The following INPP5A variants were observed in gnomAD, a reference collection of about 807,000 sequenced individuals.
INPP5A encodes inositol polyphosphate-5-phosphatase A.
Under a neutral mutation model 65.2 loss-of-function variants are expected in INPP5A, and 14 were observed. That is an observed-to-expected ratio of 0.21 (90% CI 0.14 to 0.34). INPP5A has a LOEUF of 0.34. INPP5A is among the 10% of genes least tolerant of loss of function. The pLI is 1.00. For missense variants in INPP5A, 431 were observed against 545.6 expected, an observed-to-expected ratio of 0.79 and a Z score of 2.09; for synonymous variants, 207 against 208.3, an observed-to-expected ratio of 0.99 and a Z score of 0.05.
In INPP5A at chr10:132,705,989, A is replaced by G. The variant is rs1845532436; in HGVS notation, c.475-2324A>G. Among the ~76,000 whole-genome samples the G allele has an allele frequency of 6.6e-6, 1 of 152,276 alleles. No homozygotes were observed. Among genetic ancestry groups the G allele is most frequent in the African/African-American group, 2.4e-5 (1 of 41,474 alleles). ...AAGTATGTTTAAATTGCTCAAAGAG[A>G]TAAGTGAAAGATAGGGTTCATTAAA... On this transcript the variant is annotated intron_variant, in intron 6 of 15. Transcript: ENST00000368594. This position sits in a 1 kb window ranked among gnomAD's most constrained non-coding sequence, Gnocchi z 4.9.
intron 4 of INPP5A, among the ~76,000 whole-genome samples, chr10:132,686,937 T>G (rs1845140738): frequency 6.6e-6 from 1 of 152,176 alleles, no homozygotes; most frequent in Non-Finnish European, 1.5e-5. Flanking sequence ...AACACTGGCT[T>G]TTTAATTTTA....
intron 11 of INPP5A, among the ~76,000 whole-genome samples, chr10:132,755,512 G>A (rs1237836624): frequency 1.4e-5 from 2 of 147,892 alleles, no homozygotes; most frequent in African/African-American, 5.3e-5. Context: ...ATGAGAGCAG[G>A]TGTGAGCGAG....
rs1248030025 is a variant in INPP5A at position 132,616,975 on chromosome 10, C to T, written c.117+9019C>T. On this transcript the variant is annotated intron_variant, in intron 2 of 15. Coordinates refer to ENST00000368594, the MANE Select transcript of INPP5A (RefSeq NM_005539.5). This position sits in a 1 kb window ranked among gnomAD's most constrained non-coding sequence, Gnocchi z 4.9. ...GGCCGCCTGAGGTCCTTCGAAGCAGCCTGGGTCTGTCTGCTCCCTGGGGTC... is the reference window on the plus strand; with the variant it reads ...GGCCGCCTGAGGTCCTTCGAAGCAGTCTGGGTCTGTCTGCTCCCTGGGGTC... Among the ~76,000 whole-genome samples, 1 of 152,098 alleles carries T rather than the reference C, an allele frequency of 6.6e-6. No individual in the cohort carries two copies. Among genetic ancestry groups the T allele is most frequent in the Non-Finnish European group, 1.5e-5 (1 of 68,010 alleles).
chr10:132,708,911 C>G (rs1488487750), intron 7 of INPP5A, among the ~76,000 whole-genome samples: 2 of 152,228 alleles, frequency 1.3e-5, no homozygotes, highest in East Asian at 3.8e-4. Context: ...TTCCAGGTGG[C>G]TCCCCAACGT....
At chr10:132,560,822 TG>T (rs1423106625) in intron 1 of INPP5A, among the ~76,000 whole-genome samples, 1 of 152,138 alleles carries the variant, frequency 6.6e-6, no homozygotes, top group African/African-American at 2.4e-5. Context: ...TGCTGTAGTC[TG>T]GTATCAAACT....
chr10:132,731,395 C>T (rs913192), intron 9 of INPP5A, among the ~76,000 whole-genome samples: 5,373 of 152,128 alleles, frequency 0.035, 247 homozygotes, highest in African/African-American at 0.11. Flanking sequence ...TCAGACGCCC[C>T]TGGAAGTGAC....
At position 132,555,043 on chromosome 10, in the gene INPP5A, G is replaced by C. The variant is rs2071109030; in HGVS notation, c.75+16872G>C. On this transcript the variant is annotated intron_variant, in intron 1 of 15. Coordinates refer to ENST00000368594, the MANE Select transcript of INPP5A (RefSeq NM_005539.5). This position sits in a 1 kb window ranked among gnomAD's most constrained non-coding sequence, Gnocchi z 4.4. ...GGTGGCATGGTATTGTGTGTGGCAT[G>C]ATTGGTATGGGTGGCGTGGTTGGCA... Among the ~76,000 whole-genome samples the C allele has an allele frequency of 6.6e-6, 1 of 151,786 alleles. No homozygotes were observed. The highest frequency in any genetic ancestry group is 2.4e-5 in the African/African-American group (1 of 41,262).
chr10:132,612,257 G>A (rs1490853648), intron 2 of INPP5A, among the ~76,000 whole-genome samples: 1 of 151,734 alleles, frequency 6.6e-6, no homozygotes, highest in Non-Finnish European at 1.5e-5. Flanking sequence ...GAGGTGAGGT[G>A]GGCAGGGGAG....
chr10:132,779,710 G>T (rs1847125181), intron 13 of INPP5A, among the ~76,000 whole-genome samples: 1 of 152,266 alleles, frequency 6.6e-6, no homozygotes, highest in African/African-American at 2.4e-5. Context: ...CCAGTGGGCA[G>T]CGGGTGTGCA....
chr10:132,589,965 T>C (rs1393453460), intron 1 of INPP5A, among the ~76,000 whole-genome samples: 1 of 152,214 alleles, frequency 6.6e-6, no homozygotes, highest in African/African-American at 2.4e-5. Flanking sequence ...AGGGCACCGA[T>C]GTGCAATGCC....
chr10:132,723,170 G>A (rs1209407556), intron 8 of INPP5A, among the ~76,000 whole-genome samples: 2 of 152,278 alleles, frequency 1.3e-5, no homozygotes, highest in Non-Finnish European at 2.9e-5. Context: ...CGTCTCCAGG[G>A]CGTTGCAGGC....
chr10:132,637,507 T>C lies in INPP5A; in HGVS notation c.118-8361T>C, dbSNP rs2072372289. 3.3e-5 allele frequency among the ~76,000 whole-genome samples: 5 copies of C among 152,156 alleles called. No individual in the cohort carries two copies. Among genetic ancestry groups the C allele is most frequent in the Admixed American group, 3.3e-4 (5 of 15,278 alleles). On this transcript the variant is annotated intron_variant, in intron 2 of 15. Coordinates refer to ENST00000368594, the MANE Select transcript of INPP5A (RefSeq NM_005539.5). The surrounding 1 kb of genome is among the most constrained non-coding windows in gnomAD (Gnocchi z 4.1). ...GGGTCCCTGATCCTCCAAATGTTCCTCCTTCTCTGCCTGTCTCCCACGGTC... is the reference window on the plus strand; with the variant it reads ...GGGTCCCTGATCCTCCAAATGTTCCCCCTTCTCTGCCTGTCTCCCACGGTC...
In INPP5A at chr10:132,710,501, T is replaced by A. The variant is rs765776322; in HGVS notation, c.647+45T>A. 7 of 1,595,648 alleles carry A rather than the reference T, an allele frequency of 4.4e-6. No homozygotes were observed. The African/African-American group carries it at 9.5e-5, about 22-fold the overall frequency. On this transcript the variant is annotated intron_variant, in intron 8 of 15. Coordinates refer to ENST00000368594, the MANE Select transcript of INPP5A (RefSeq NM_005539.5). ...TAGGCGTGGGCCGGGCAAGTAGGTGTGCTGGGCAGGCAGGTGTGAGTGGAG... is the reference window on the plus strand; with the variant it reads ...TAGGCGTGGGCCGGGCAAGTAGGTGAGCTGGGCAGGCAGGTGTGAGTGGAG...
chr10:132,596,440 T>G (rs915960536), intron 1 of INPP5A, among the ~76,000 whole-genome samples: 1 of 149,842 alleles, frequency 6.7e-6, no homozygotes, highest in Admixed American at 6.6e-5. Flanking sequence ...TTTTGTTTTT[T>G]TTTTTTGAGA....
intron 12 of INPP5A, among the ~76,000 whole-genome samples, chr10:132,771,858 A>G (rs72636971): frequency 0.8 from 46,455 of 58,318 alleles, 19,930 homozygotes; most frequent in East Asian, 0.94. Flanking sequence ...CGGAGGCCAC[A>G]GCAGCCACCC....
At chr10:132,571,004 A>G (rs893226509) in intron 1 of INPP5A, among the ~76,000 whole-genome samples, 1 of 152,232 alleles carries the variant, frequency 6.6e-6, no homozygotes, top group Non-Finnish European at 1.5e-5. Flanking sequence ...CCTCCCCACC[A>G]CAGCCTACTC....
intron 1 of INPP5A, among the ~76,000 whole-genome samples, chr10:132,597,257 G>T (rs1225709433): frequency 6.6e-6 from 1 of 152,238 alleles, no homozygotes; most frequent in African/African-American, 2.4e-5. Context: ...AACCTTTTCT[G>T]TTCTTCTCAG....
intron 2 of INPP5A, among the ~76,000 whole-genome samples, chr10:132,611,555 G>A (rs1297705432): frequency 7.0e-5 from 10 of 142,508 alleles, no homozygotes; most frequent in Non-Finnish European, 1.4e-4. Context: ...GGTGAGGGAG[G>A]TGAGGTGGGA....
intron 4 of INPP5A, among the ~76,000 whole-genome samples, chr10:132,680,630 C>T (rs549532403): frequency 3.9e-5 from 6 of 152,224 alleles, no homozygotes; most frequent in Non-Finnish European, 8.8e-5. Context: ...AGGCCAGAGC[C>T]GACTCCCTCA....
Sources: gnomAD v4.1 joint callset for allele counts (sites outside exome capture counted in the v4.1 genomes callset) on GRCh38, gnomAD v4.1.1 for gene constraint, Gnocchi (gnomAD v3.1) non-coding constraint, MANE v1.5 for transcripts, NCBI Gene and HGNC (gene_info 2026-07-23, HGNC 2026-07-21) for gene names.